ESRRG: variants seen among roughly 807,000 people sequenced by gnomAD.
ESRRG encodes estrogen-related receptor gamma.
In ESRRG, 13 loss-of-function variants were observed where a neutral mutation model predicts 44.0. That is an observed-to-expected ratio of 0.30 (90% confidence interval 0.19 to 0.47). The LOEUF (loss-of-function observed/expected upper bound fraction) is 0.47. Ranked by LOEUF, ESRRG falls within the 20% of genes least tolerant of loss-of-function variation. The pLI, the probability that ESRRG is intolerant of heterozygous loss-of-function variation, is 1.00. For synonymous variants in ESRRG, 215 were observed against 214.6 expected, an observed-to-expected ratio of 1.00 and a Z score of -0.02; for missense variants, 395 against 580.6, an observed-to-expected ratio of 0.68 and a Z score of 3.29.
intron 2 of ESRRG, among the ~76,000 whole-genome samples, chr1:216,856,412 C>G (rs558245490): frequency 6.7e-6 from 1 of 148,586 alleles, no homozygotes; most frequent in African/African-American, 2.5e-5. Flanking sequence ...AGAAGCGATT[C>G]GAGAGTGAAG....
At chr1:216,632,537 TA>T (rs1384930126) in intron 3 of ESRRG, among the ~76,000 whole-genome samples, 1 of 152,196 alleles carries the variant, frequency 6.6e-6, no homozygotes, top group Non-Finnish European at 1.5e-5. Flanking sequence ...TTTTCTTAAC[TA>T]AAAATTAATA....
intron 1 of ESRRG, among the ~76,000 whole-genome samples, chr1:216,959,329 A>G (rs888012806): frequency 1.0e-5 from 1 of 99,352 alleles, no homozygotes; most frequent in Non-Finnish European, 2.2e-5. Flanking sequence ...AGCGGCAGAT[A>G]TATCTATTTA....
chr1:216,635,159 A>C (rs889682574), intron 3 of ESRRG, among the ~76,000 whole-genome samples: 4 of 152,160 alleles, frequency 2.6e-5, no homozygotes, highest in African/African-American at 9.6e-5. Flanking sequence ...GCTGCCATTA[A>C]TTTGATGTTC....
At chr1:216,842,217 A>C (rs2095664480) in intron 2 of ESRRG, among the ~76,000 whole-genome samples, 1 of 152,210 alleles carries the variant, frequency 6.6e-6, no homozygotes, top group African/African-American at 2.4e-5. Flanking sequence ...TTCTATATGA[A>C]GTTCTTAACT....
chr1:216,901,182 G>T (rs1030849), intron 2 of ESRRG, among the ~76,000 whole-genome samples: 29,566 of 151,764 alleles, frequency 0.19, 4,679 homozygotes, highest in African/African-American at 0.43. Context: ...GGGTGGGGGT[G>T]ACAGGATGGG....
At chr1:216,929,033 C>T (rs925445611) in intron 2 of ESRRG, among the ~76,000 whole-genome samples, 2 of 152,018 alleles carry the variant, frequency 1.3e-5, no homozygotes, top group Admixed American at 1.3e-4. Flanking sequence ...GGATGATGAA[C>T]AAGAATGGGA....
At chr1:216,935,608 C>T (rs944360870) in intron 2 of ESRRG, among the ~76,000 whole-genome samples, 1 of 150,848 alleles carries the variant, frequency 6.6e-6, no homozygotes, top group African/African-American at 2.4e-5. Flanking sequence ...ATTGAAATCC[C>T]ACAGTTTAGG....
At chr1:217,004,252 C>T (rs2077433650) in intron 1 of ESRRG, among the ~76,000 whole-genome samples, 2 of 152,274 alleles carry the variant, frequency 1.3e-5, no homozygotes, top group South Asian at 4.2e-4. Context: ...TATGGTTTGG[C>T]TGTGTCCCCA....
At chr1:216,819,014 T>C (rs1040010108) in intron 2 of ESRRG, among the ~76,000 whole-genome samples, 14 of 152,182 alleles carry the variant, frequency 9.2e-5, no homozygotes, top group African/African-American at 1.9e-4. Flanking sequence ...CAGTTTATCA[T>C]TGATAGCATT....
intron 2 of ESRRG, among the ~76,000 whole-genome samples, chr1:216,892,846 C>T (rs536072629): frequency 3.9e-5 from 6 of 152,116 alleles, no homozygotes; most frequent in South Asian, 2.1e-4. Flanking sequence ...CCTCTAGAAC[C>T]AGAATAAAAG....
intron 5 of ESRRG, among the ~76,000 whole-genome samples, chr1:216,533,375 T>C (rs567886139): frequency 3.3e-5 from 5 of 152,216 alleles, no homozygotes; most frequent in Admixed American, 3.3e-4. Flanking sequence ...ACTGTAGAGA[T>C]CTTGAAAGAA....
rs1430862265 is a variant in ESRRG at position 216,506,256 on chromosome 1, T to C, written c.*683A>G. On this transcript the variant is annotated 3_prime_UTR_variant, in exon 7 of 7. Coordinates refer to ENST00000408911, the MANE Select transcript of ESRRG (RefSeq NM_001438.4). ...ATTTGTATATGTTGCACTGTACTTT[T>C]AGGAACGTTGGTTCTCTCTCTTTGA... is the stretch of plus-strand genomic sequence containing the variant. The C allele has an allele frequency of 1.1e-5, 2 of 189,978 alleles. No individual in the cohort carries two copies. The highest frequency in any genetic ancestry group is 4.7e-5 in the African/African-American group (2 of 42,206). 11.8% of individuals were successfully genotyped at this position (189,978 alleles called of 1,614,324 possible).
chr1:216,675,726 G>C (rs2075994802), intron 2 of ESRRG, among the ~76,000 whole-genome samples: 2 of 152,162 alleles, frequency 1.3e-5, no homozygotes, highest in African/African-American at 4.8e-5. Context: ...TGGGGCCTGG[G>C]AACTTGCATT....
intron 1 of ESRRG, among the ~76,000 whole-genome samples, chr1:216,971,904 T>C (rs1274210105): frequency 1.3e-5 from 2 of 152,202 alleles, no homozygotes; most frequent in African/African-American, 4.8e-5. Flanking sequence ...TCTTCTAGCC[T>C]GAAGGCCCAT....
chr1:216,889,868 A>G (rs948175497), intron 2 of ESRRG, among the ~76,000 whole-genome samples: 1 of 152,186 alleles, frequency 6.6e-6, no homozygotes, highest in Non-Finnish European at 1.5e-5. Flanking sequence ...AAAAGATGAA[A>G]AGGTCTCTTT....
chr1:216,645,652 A>G (rs2067387437), intron 3 of ESRRG, among the ~76,000 whole-genome samples: 1 of 152,026 alleles, frequency 6.6e-6, no homozygotes. Context: ...CTGGAGGATC[A>G]CTTGGGGCCA....
intron 2 of ESRRG, among the ~76,000 whole-genome samples, chr1:216,738,037 G>T (rs35539124): frequency 0.22 from 29,975 of 134,564 alleles, 3,233 homozygotes; most frequent in South Asian, 0.33. Flanking sequence ...ATACCCCAAA[G>T]CTCAACAGTG....
At chr1:216,639,958 A>T (rs1404357370) in intron 3 of ESRRG, among the ~76,000 whole-genome samples, 1 of 152,196 alleles carries the variant, frequency 6.6e-6, no homozygotes, top group Non-Finnish European at 1.5e-5. Context: ...TTCCAAAACC[A>T]TTTCCATATC....
chr1:216,887,870 A>G (rs900957361), intron 2 of ESRRG, among the ~76,000 whole-genome samples: 9 of 152,220 alleles, frequency 5.9e-5, no homozygotes, highest in Non-Finnish European at 1.3e-4. Context: ...CCATTTAAAA[A>G]TGTTAGTTTT....
Sources: allele counts gnomAD v4.1 joint callset (sites outside exome capture counted in the v4.1 genomes callset), GRCh38; gene constraint gnomAD v4.1.1; transcripts MANE v1.5; gene names NCBI Gene and HGNC (gene_info 2026-07-23, HGNC 2026-07-21).